The following TENM3 variants were observed in gnomAD, a reference collection of about 807,000 sequenced individuals.
The protein encoded by TENM3 is teneurin-3.
TENM3 carries 63 observed loss-of-function variants against 255.1 expected under a neutral mutation model. The ratio of observed to expected loss-of-function variants is 0.25; its 90% CI spans 0.20 to 0.30. The LOEUF (loss-of-function observed/expected upper bound fraction) is 0.30, where lower values mean the gene tolerates loss of function less well. TENM3 is among the 10% of genes least tolerant of loss of function. The pLI is 1.00. For synonymous variants in TENM3, 1,306 were observed against 1,322.3 expected (o/e 0.99, Z 0.27); for missense variants, 2,929 against 3,461.1 (o/e 0.85, Z 3.86).
intron 22 of TENM3, among the ~76,000 whole-genome samples, chr4:182,764,358 C>T (rs1233823675): frequency 6.6e-6 from 1 of 152,206 alleles, no homozygotes; most frequent in Non-Finnish European, 1.5e-5. Context: ...CTAGATGACA[C>T]ATTCCCTGCT....
At position 182,799,859 on chromosome 4, in the gene TENM3, C is replaced by T. The variant is rs1766789170; in HGVS notation, c.7608C>T (p.Asn2536=). ...AVLNNAFYLE[N]LHFTIEGKDT... is the part of the protein sequence containing the mutation. ...TCAACAACGCCTTCTACCTGGAGAA[C>T]CTGCACTTCACCATCGAGGGCAAGG... Residue 2536 remains asparagine, a synonymous_variant, in exon 28 of 28, where the codon AAC becomes AAT. Transcript: ENST00000511685. The surrounding 1 kb of genome is among the most constrained non-coding windows in gnomAD (Gnocchi z 4.2). 1 of 1,611,412 alleles carries T rather than the reference C, an allele frequency of 6.2e-7. No individual in the cohort carries two copies. Among genetic ancestry groups the T allele is most frequent in the East Asian group, 2.2e-5 (1 of 44,782 alleles).
chr4:182,481,466 G>A (rs141687054), intron 3 of TENM3, among the ~76,000 whole-genome samples: 28 of 146,336 alleles, frequency 1.9e-4, no homozygotes, highest in African/African-American at 4.7e-4. Flanking sequence ...TTACACTTAC[G>A]TTGAGATTTT....
the TENM3 span, among the ~76,000 whole-genome samples, chr4:181,815,461 T>TAAAAAAAA: frequency 3.3e-5 from 1 of 29,908 alleles, no homozygotes; most frequent in African/African-American, 1.7e-4. Context: ...AGACTCCCTA[T>TAAAAAAAA]CAAAAAAAAA....
intron 3 of TENM3, among the ~76,000 whole-genome samples, chr4:182,482,852 T>C (rs906706045): frequency 6.6e-6 from 1 of 152,152 alleles, no homozygotes; most frequent in East Asian, 1.9e-4. Context: ...GTCATTAAAA[T>C]TAAAAAGATC....
At chr4:182,633,753 A>G (rs745921735) in intron 5 of TENM3, among the ~76,000 whole-genome samples, 1 of 152,228 alleles carries the variant, frequency 6.6e-6, no homozygotes, top group African/African-American at 2.4e-5. Context: ...GGCTCGCCTG[A>G]AGGCACACAC....
At chr4:181,468,199 G>A in the TENM3 span, among the ~76,000 whole-genome samples, 3 of 151,856 alleles carry the variant, frequency 2.0e-5, no homozygotes, top group South Asian at 2.1e-4. Context: ...GGCTTAGCCT[G>A]GGAGGCAGAG....
chr4:182,113,343 A>G, the TENM3 span, among the ~76,000 whole-genome samples: 1 of 152,116 alleles, frequency 6.6e-6, no homozygotes, highest in Admixed American at 6.5e-5. Flanking sequence ...TCATTCCACA[A>G]TTGAAATGCG....
chr4:182,338,586 C>A (rs1025014590), intron 2 of TENM3, among the ~76,000 whole-genome samples: 7 of 152,084 alleles, frequency 4.6e-5, no homozygotes, highest in Non-Finnish European at 5.9e-5. Context: ...GAATTGAAAT[C>A]ATATTTCTTA....
At chr4:181,605,550 G>GAA in the TENM3 span, among the ~76,000 whole-genome samples, 2 of 28,528 alleles carry the variant, frequency 7.0e-5, 1 homozygote, top group Non-Finnish European at 1.8e-4. Flanking sequence ...AAGAAAGAAA[G>GAA]AAAGAAAGAA....
At chr4:181,761,910 C>T in the TENM3 span, among the ~76,000 whole-genome samples, 2 of 152,128 alleles carry the variant, frequency 1.3e-5, no homozygotes, top group Admixed American at 6.6e-5. Flanking sequence ...ATCTTAAATA[C>T]CAATTCAAGA....
At position 182,737,032 on chromosome 4, in the gene TENM3, A is replaced by G; in HGVS notation, c.3192A>G (p.Thr1064=). The change falls in exon 17 of 28, where the codon ACA becomes ACG. Residue 1064 remains threonine, a synonymous_variant. Coordinates refer to ENST00000511685, the MANE Select transcript of TENM3 (RefSeq NM_001080477.4). ...NLAYTFIWDK[T]DAYNQKVYGL... is the part of the protein sequence containing the mutation. ...CCTATACTTTCATATGGGATAAAAC[A>G]GATGCATATAATCAGAAAGTCTATG... The G allele has an allele frequency of 6.2e-7, 1 of 1,613,834 alleles. No individual in the cohort carries two copies. Among genetic ancestry groups the G allele is most frequent in the Non-Finnish European group, 8.5e-7 (1 of 1,179,772 alleles).
chr4:182,264,437 C>G (rs993084063), intron 1 of TENM3, among the ~76,000 whole-genome samples: 2 of 152,176 alleles, frequency 1.3e-5, no homozygotes, highest in African/African-American at 2.4e-5. Flanking sequence ...TTCCAGGGAA[C>G]AGGAATTTGA....
At chr4:182,435,555 C>G (rs1771980522) in intron 3 of TENM3, among the ~76,000 whole-genome samples, 1 of 152,158 alleles carries the variant, frequency 6.6e-6, no homozygotes, top group Admixed American at 6.5e-5. Context: ...TATTCTGTCT[C>G]CAGCATGGGA....
At chr4:182,356,065 C>T (rs1765503606) in intron 3 of TENM3, among the ~76,000 whole-genome samples, 1 of 151,824 alleles carries the variant, frequency 6.6e-6, no homozygotes, top group Admixed American at 6.6e-5. Context: ...GAATCCTAAG[C>T]TCACCAATAT....
intron 1 of TENM3, among the ~76,000 whole-genome samples, chr4:182,253,199 T>G (rs1448053356): frequency 6.6e-6 from 1 of 152,150 alleles, no homozygotes; most frequent in Non-Finnish European, 1.5e-5. Flanking sequence ...AGGCCGGGTG[T>G]GGTGGCTCAC....
At chr4:181,831,480 A>G in the TENM3 span, among the ~76,000 whole-genome samples, 1 of 138,374 alleles carries the variant, frequency 7.2e-6, no homozygotes, top group Non-Finnish European at 1.5e-5. Flanking sequence ...TATCATTTTA[A>G]TTAACATTGC....
At chr4:182,116,124 T>G in the TENM3 span, among the ~76,000 whole-genome samples, 1 of 152,196 alleles carries the variant, frequency 6.6e-6, no homozygotes, top group African/African-American at 2.4e-5. Flanking sequence ...ATATATGACA[T>G]GTATCCATCA....
At chr4:181,892,647 C>T in the TENM3 span, among the ~76,000 whole-genome samples, 1 of 152,150 alleles carries the variant, frequency 6.6e-6, no homozygotes, top group Non-Finnish European at 1.5e-5. Context: ...CTCACATGCT[C>T]CGATTCACTC....
At chr4:181,628,255 C>T in the TENM3 span, among the ~76,000 whole-genome samples, 4 of 151,950 alleles carry the variant, frequency 2.6e-5, no homozygotes, top group East Asian at 3.9e-4. Context: ...ATGAGTAGAT[C>T]GCAAATATTT....
Sources: allele counts gnomAD v4.1 joint callset (sites outside exome capture counted in the v4.1 genomes callset), GRCh38; gene constraint gnomAD v4.1.1; non-coding constraint Gnocchi (gnomAD v3.1); transcripts MANE v1.5; gene names NCBI Gene and HGNC (gene_info 2026-07-23, HGNC 2026-07-21).